The following LRRC23 variants were observed in gnomAD, a reference collection of about 807,000 sequenced individuals.
The protein encoded by LRRC23 is leucine rich repeat containing 23.
A neutral mutation model predicts 37.7 loss-of-function variants in LRRC23; 28 were observed. The observed-to-expected ratio is 0.74, with a 90% CI of 0.55 to 1.02. LRRC23 has a LOEUF of 1.02. Ranked by LOEUF, LRRC23 falls within the 50% of genes least tolerant of loss-of-function variation. The probability of loss-of-function intolerance (pLI) is 0.00; values close to 1 mark genes in which losing one functional copy is unlikely to be tolerated. For missense variants in LRRC23, 377 were observed against 413.2 expected (o/e 0.91, Z 0.76); for synonymous variants, 161 against 165.4 (o/e 0.97, Z 0.20).
chr12:6,909,311 AG>A (rs1473967641), intron 5 of LRRC23, among the ~76,000 whole-genome samples: 1 of 9,074 alleles, frequency 1.1e-4, no homozygotes, highest in African/African-American at 1.0e-3. Flanking sequence ...TATATATAAT[AG>A]TATATATTAT....
In LRRC23 at chr12:6,907,432, A is replaced by G. The variant is rs140659005; in HGVS notation, c.608A>G (p.Lys203Arg). 7.0e-4 allele frequency: 1,123 copies of G among 1,614,032 alleles called. 9 individuals carry two copies. The Middle Eastern group carries it at 0.013, about 19-fold the overall frequency. Reference protein sequence around the residue: ...STLGINLPKLKNLYLAQNMLK... With the variant: ...STLGINLPKLRNLYLAQNMLK... ...CTGGGAATCAATCTTCCTAAGCTGAAGAACCTCTACCTGGTAGCTCACTGG... is the reference window on the plus strand; with the variant it reads ...CTGGGAATCAATCTTCCTAAGCTGAGGAACCTCTACCTGGTAGCTCACTGG... Residue 203 changes from lysine to arginine, a missense_variant, in exon 5 of 8, where the codon AAG becomes AGG. This residue lies in a region of LRRC23 where 266 missense variants were observed against 285.6 expected (regional missense o/e 0.93). Transcript: ENST00000443597.
chr12:6,911,911 G>A (rs1945169502), intron 6 of LRRC23, among the ~76,000 whole-genome samples: 1 of 152,140 alleles, frequency 6.6e-6, no homozygotes, highest in Non-Finnish European at 1.5e-5. Context: ...GCTAAGGTGA[G>A]AGGATCACTT....
intron 6 of LRRC23, among the ~76,000 whole-genome samples, chr12:6,910,424 A>G (rs1309787698): frequency 6.6e-6 from 1 of 152,058 alleles, no homozygotes; most frequent in Non-Finnish European, 1.5e-5. Flanking sequence ...AAGTGAAAAT[A>G]ATGGCCCGGC....
At position 6,905,575 on chromosome 12, in the gene LRRC23, T is replaced by C; in HGVS notation, c.-49-10T>C. ...AGGCTGGCAGAAGCTGATGAGACCTTCTTTTTCAGGAGGAGGACTGAGCTT... is the reference window on the plus strand; with the variant it reads ...AGGCTGGCAGAAGCTGATGAGACCTCCTTTTTCAGGAGGAGGACTGAGCTT... On this transcript the variant is annotated splice_polypyrimidine_tract_variant and intron_variant, in intron 1 of 7. Transcript: ENST00000443597. 5 of 1,591,598 alleles carry C rather than the reference T, an allele frequency of 3.1e-6. No individual in the cohort carries two copies. The highest frequency in any genetic ancestry group is 3.4e-4 in the Middle Eastern group (2 of 5,966).
In LRRC23 at chr12:6,906,496, A is replaced by C; in HGVS notation, c.324A>C (p.Pro108=). 1 of 1,614,094 alleles carries C rather than the reference A, an allele frequency of 6.2e-7. No individual in the cohort carries two copies. Among genetic ancestry groups the C allele is most frequent in the Middle Eastern group, 1.6e-4 (1 of 6,062 alleles). The change falls in exon 4 of 8, where the codon CCA becomes CCC. Residue 108 remains proline (P), a synonymous_variant. Transcript: ENST00000443597. ...AGAACCACCTGACAGACCTGTCTCC[A>C]CTCAACTACCTCACCCACCTGCTCT... ...ISENHLTDLS[P]LNYLTHLLWL...
At chr12:6,913,742 T>G in intron 7 of LRRC23, 149 bp from the exon 8 acceptor site, 1 of 550,740 alleles carries the variant, frequency 1.8e-6, no homozygotes, top group Non-Finnish European at 3.1e-6. Flanking sequence ...TTTTTGTATT[T>G]TTAGTAGAAA....
In LRRC23 at chr12:6,914,070, A is replaced by T; in HGVS notation, c.*204A>T. 2 of 1,565,418 alleles carry T rather than the reference A, an allele frequency of 1.3e-6. No homozygotes were observed. Among genetic ancestry groups the T allele is most frequent in the Non-Finnish European group, 1.7e-6 (2 of 1,158,770 alleles). ...GTGTGGGGTGCAGAATGGGGTGCCT[A>T]GGCCTGAGCGTTGCCTGGAGCCTAG... On this transcript the variant is annotated 3_prime_UTR_variant, in exon 8 of 8. Transcript: ENST00000443597. The surrounding 1 kb of genome is among the most constrained non-coding windows in gnomAD (Gnocchi z 7.1).
In LRRC23 at chr12:6,913,551, G is replaced by GTTTTTTTTTTTT. The variant is rs1248085636; in HGVS notation, c.*25-337_*25-336insTTTTTTTTTTTT. ...TAGGGGAGAGGCTTTATTTACCTCTGTTTGTTTTTTTTTTTTTTTTTTTTT... is the reference window on the plus strand; with the variant it reads ...TAGGGGAGAGGCTTTATTTACCTCTGTTTTTTTTTTTTTTTGTTTTTTTTTTTTTTTTTTTTT... On this transcript the variant is annotated intron_variant, in intron 7 of 7. Transcript: ENST00000443597. 1.9e-3 allele frequency among the ~76,000 whole-genome samples: 145 copies of GTTTTTTTTTTTT among 78,172 alleles called. 48 individuals carry two copies. Among genetic ancestry groups the GTTTTTTTTTTTT allele is most frequent in the African/African-American group, 6.2e-3 (121 of 19,546 alleles). The allele number at this position is 78,172 out of a possible 152,430, so 51.3% of individuals were successfully genotyped here.
chr12:6,907,446 G>A lies in LRRC23; in HGVS notation c.621+1G>A, dbSNP rs1555139812. The stretch of plus-strand genomic sequence containing the variant: ...TCCTAAGCTGAAGAACCTCTACCTG[G>A]TAGCTCACTGGGTCAGAGGGTGGTG... On this transcript the variant is annotated splice_donor_variant, in intron 5 of 7. Coordinates refer to ENST00000443597, the MANE Select transcript of LRRC23 (RefSeq NM_001135217.2). LOFTEE classifies it high-confidence loss of function. 5 of 1,614,014 alleles carry A rather than the reference G, an allele frequency of 3.1e-6. No individual in the cohort carries two copies. The South Asian group carries it at 3.3e-5, about 11-fold the overall frequency.
intron 6 of LRRC23, 42 bp downstream of exon 6, chr12:6,910,068 C>T (rs1945122606): frequency 1.3e-6 from 2 of 1,558,368 alleles, no homozygotes; most frequent in African/African-American, 2.7e-5. Flanking sequence ...CTACCCCTGA[C>T]CAGGTGCAGC....
At position 6,909,918 on chromosome 12, in the gene LRRC23, G is replaced by A; in HGVS notation, c.650G>A (p.Gly217Asp). The change falls in exon 6 of 8, where the codon GGC becomes GAC. Residue 217 changes from glycine (G) to aspartate (D), a missense_variant. Coordinates refer to ENST00000443597, the MANE Select transcript of LRRC23 (RefSeq NM_001135217.2). ...CAAAACATGCTGAAGAAGGTGGAAG[G>A]CTTGGAGGATCTGAGCAATCTCACC... ...LAQNMLKKVE[G>D]LEDLSNLTTL... 1 of 1,613,562 alleles carries A rather than the reference G, an allele frequency of 6.2e-7. No homozygotes were observed. The highest frequency in any genetic ancestry group is 8.5e-7 in the Non-Finnish European group (1 of 1,179,782).
rs782308184 is a variant in LRRC23, at chr12:6,907,344, G to A, written c.520G>A (p.Asp174Asn). ...GNSIHMVTGL[D>N]PEKLISLHTV... is the part of the protein sequence containing the mutation. ...CAGCATCCACATGGTGACAGGTCTG[G>A]ACCCCGAGAAGTTGATCAGCCTGCA... Residue 174 changes from aspartate to asparagine, a missense_variant, in exon 5 of 8, where the codon GAC (aspartate) becomes AAC (asparagine). This residue lies in a region of LRRC23 where 266 missense variants were observed against 285.6 expected (regional missense o/e 0.93). Coordinates refer to ENST00000443597, the MANE Select transcript of LRRC23 (RefSeq NM_001135217.2). The A allele has an allele frequency of 1.4e-4, 233 of 1,613,894 alleles. No homozygotes were observed. The highest frequency in any genetic ancestry group is 1.7e-4 in the Non-Finnish European group (206 of 1,180,010).
At chr12:6,912,440 C>T (rs1443289242) in intron 6 of LRRC23, among the ~76,000 whole-genome samples, 1 of 152,134 alleles carries the variant, frequency 6.6e-6, no homozygotes, top group African/African-American at 2.4e-5. Flanking sequence ...TTTGCCCTCT[C>T]CTCCCCAGCT....
rs782562079 is a variant in LRRC23 at position 6,906,037 on chromosome 12, G to A, written c.236+83G>A. On this transcript the variant is annotated intron_variant, in intron 3 of 7. Transcript: ENST00000443597. ...CCCACTGTCATTCCTGGGTGTTCTG[G>A]TTGAGAGTTTGACTCTTCTCATGCC... The A allele has an allele frequency of 2.4e-6, 3 of 1,261,774 alleles. No homozygotes were observed. The African/African-American group carries it at 4.4e-5, about 19-fold the overall frequency. 78.2% of individuals were successfully genotyped at this position (1,261,774 alleles called of 1,614,324 possible).
Position 6,905,903 on chromosome 12 carries a change from A to G in LRRC23, c.185A>G (p.Lys62Arg), listed in dbSNP as rs1555139468. ...MMKEGLSLLC[K>R]TGNGLAHAYV... ...AAGGAAGGGCTTTCTCTGCTCTGTA[A>G]GACAGGCAATGGGCTGGCTCATGCT... is the stretch of plus-strand genomic sequence containing the variant. Residue 62 changes from lysine to arginine, a missense_variant, in exon 3 of 8, where the codon AAG becomes AGG. Lys to Arg is a conservative substitution (Grantham distance 26, BLOSUM62 2). Transcript: ENST00000443597. 1.2e-6 allele frequency: 2 copies of G among 1,613,896 alleles called. No homozygotes were observed. Among genetic ancestry groups the G allele is most frequent in the African/African-American group, 1.3e-5 (1 of 74,854 alleles).
intron 7 of LRRC23, chr12:6,913,230 CCAGAAGAG>C: frequency 1.8e-6 from 1 of 566,842 alleles, no homozygotes; most frequent in Non-Finnish European, 3.1e-6. Flanking sequence ...ACTTAGGAGG[CCAGAAGAG>C]TAAGTGAAAA....
At chr12:6,909,545 C>T (rs1945107266) in intron 5 of LRRC23, among the ~76,000 whole-genome samples, 1 of 122,326 alleles carries the variant, frequency 8.2e-6, no homozygotes, top group Admixed American at 1.0e-4. Flanking sequence ...AATATTTAGT[C>T]TTTTAGACTC....
intron 5 of LRRC23, among the ~76,000 whole-genome samples, chr12:6,908,622 C>CAAAAAAAAAAAA (rs1565552999): frequency 1.5e-5 from 1 of 65,708 alleles, no homozygotes; most frequent in African/African-American, 5.7e-5. Context: ...AAAAAAAAAC[C>CAAAAAAAAAAAA]AAAGAAAAAC....
At chr12:6,907,986 C>T (rs1012859664) in intron 5 of LRRC23, among the ~76,000 whole-genome samples, 1 of 152,204 alleles carries the variant, frequency 6.6e-6, no homozygotes, top group African/African-American at 2.4e-5. Context: ...GCCTCCAGAA[C>T]TTCTGACACA....
Sources: gnomAD v4.1 joint callset for allele counts (sites outside exome capture counted in the v4.1 genomes callset) on GRCh38, gnomAD v4.1.1 for gene constraint, gnomAD v4.1.1 regional missense constraint, Gnocchi (gnomAD v3.1) non-coding constraint, MANE v1.5 for transcripts, NCBI Gene and HGNC (gene_info 2026-07-23, HGNC 2026-07-21) for gene names.